The following SLC9A3 variants were observed in gnomAD, a reference collection of about 807,000 sequenced individuals.
SLC9A3 encodes solute carrier family 9 member A3, also known as sodium/hydrogen exchanger 3.
A neutral mutation model predicts 86.8 loss-of-function variants in SLC9A3; 37 were observed. The observed-to-expected ratio is 0.43, with a 90% CI of 0.33 to 0.56. The LOEUF (loss-of-function observed/expected upper bound fraction) is 0.56, where lower values mean the gene tolerates loss of function less well. Ranked by LOEUF, SLC9A3 falls within the 20% of genes least tolerant of loss-of-function variation. SLC9A3 has a pLI of 0.06. For synonymous variants in SLC9A3, 581 were observed against 528.3 expected, an observed-to-expected ratio of 1.10 and a Z score of -1.37; for missense variants, 1,011 against 1,171.9, an observed-to-expected ratio of 0.86 and a Z score of 2.00.
intron 1 of SLC9A3, among the ~76,000 whole-genome samples, chr5:492,526 G>A (rs980935237): frequency 1.3e-4 from 20 of 152,030 alleles, no homozygotes; most frequent in Admixed American, 5.9e-4. Flanking sequence ...GACCTCCCCC[G>A]ACTTTTCAGG....
In SLC9A3 at chr5:476,352, C is replaced by T. The variant is rs966604175; in HGVS notation, c.1917G>A (p.Glu639=). ...GTTTCTCGTCCTCCGTGGGCGTGAG[C>T]TCGTGTCGGCTGTACAGATGCTTGT... The part of the protein sequence containing the change: ...QEYKHLYSRH[E]LTPTEDEKQD... The change falls in exon 13 of 17, where the codon GAG becomes GAA. Residue 639 remains glutamate, a synonymous_variant. Transcript: ENST00000264938. The T allele has an allele frequency of 1.2e-6, 2 of 1,613,884 alleles. No individual in the cohort carries two copies. The highest frequency in any genetic ancestry group is 1.7e-6 in the Non-Finnish European group (2 of 1,180,016).
At position 490,065 on chromosome 5, in the gene SLC9A3, A is replaced by G. The variant is rs879813769; in HGVS notation, c.515-1589T>C. ...CCACAGGGCTTGGCCTCTGGTCTGC[A>G]GAGATCAGTTGCAGCCTCCCAGCTC... On this transcript the variant is annotated intron_variant, in intron 2 of 16. Coordinates refer to ENST00000264938, the MANE Select transcript of SLC9A3 (RefSeq NM_004174.4). Among the ~76,000 whole-genome samples, 31 of 152,328 alleles carry G rather than the reference A, an allele frequency of 2.0e-4. 1 individual carries two copies. The highest frequency in any genetic ancestry group is 2.0e-3 in the Admixed American group (31 of 15,310).
Position 475,116 on chromosome 5 carries a change from C to A in SLC9A3, c.2268G>T (p.Val756=), listed in dbSNP as rs745803303. 6.3e-7 allele frequency: 1 copy of A among 1,599,468 alleles called. No homozygotes were observed. Among genetic ancestry groups the A allele is most frequent in the South Asian group, 1.1e-5 (1 of 90,144 alleles). The stretch of plus-strand genomic sequence containing the variant: ...GGTCCAGGGCCTCGTCCGGAGAAAA[C>A]ACAGGGTTGTCAATTCCTAGGAGAG... The part of the protein sequence containing the change: ...SDSPAGIDNP[V]FSPDEALDRS... Residue 756 remains valine, a synonymous_variant, in exon 16 of 17, where the codon GTG becomes GTT. Transcript: ENST00000264938.
At position 491,845 on chromosome 5, in the gene SLC9A3, G is replaced by A. The variant is rs762686933; in HGVS notation, c.438C>T (p.Tyr146=). Residue 146 remains tyrosine (Y), a synonymous_variant, in exon 2 of 17, where the codon TAC becomes TAT. Coordinates refer to ENST00000264938, the MANE Select transcript of SLC9A3 (RefSeq NM_004174.4). This position sits in a 1 kb window ranked among gnomAD's most constrained non-coding sequence, Gnocchi z 9.2. ...CGTTCCACACGGTACCCACGACGGC[G>A]TACAACAGGATGGTCCCCAGGTTGC... ...FFGNLGTILL[Y]AVVGTVWNAA... is the part of the protein sequence containing the mutation. The A allele has an allele frequency of 2.9e-5, 46 of 1,604,132 alleles. No individual in the cohort carries two copies. Among genetic ancestry groups the A allele is most frequent in the South Asian group, 5.6e-5 (5 of 89,674 alleles).
intron 1 of SLC9A3, among the ~76,000 whole-genome samples, chr5:518,571 C>G (rs533005093): frequency 6.6e-6 from 1 of 152,186 alleles, no homozygotes; most frequent in Non-Finnish European, 1.5e-5. Flanking sequence ...ACTGAGACTC[C>G]TGGTTGTGGG....
Position 496,874 on chromosome 5 carries a change from A to G in SLC9A3, c.212-4803T>C, listed in dbSNP as rs1740041415. 6.6e-6 allele frequency among the ~76,000 whole-genome samples: 1 copy of G among 151,896 alleles called. No homozygotes were observed. The highest frequency in any genetic ancestry group is 2.4e-5 in the African/African-American group (1 of 41,342). On this transcript the variant is annotated intron_variant, in intron 1 of 16. Transcript: ENST00000264938. The surrounding 1 kb of genome is among the most constrained non-coding windows in gnomAD (Gnocchi z 4.7). ...GAGACCAGCCTGGGCAACATGGCGA[A>G]ACCCCATCTTTACAAAAAAAAATAC...
intron 1 of SLC9A3, among the ~76,000 whole-genome samples, chr5:501,751 T>G (rs1310546638): frequency 6.6e-6 from 1 of 152,210 alleles, no homozygotes; most frequent in Admixed American, 6.5e-5. Context: ...GGAATCACGG[T>G]AAATGTGTCG....
Position 491,719 on chromosome 5 carries a change from T to A in SLC9A3, c.514+50A>T. On this transcript the variant is annotated intron_variant, in intron 2 of 16. Transcript: ENST00000264938. The surrounding 1 kb of genome is among the most constrained non-coding windows in gnomAD (Gnocchi z 9.2). The stretch of plus-strand genomic sequence containing the variant: ...TTCTGAGATGAGGCAGCGCCGCCCC[T>A]CCCGGACCCCACCCTGATCCCGGCC... 57 of 1,439,488 alleles carry A rather than the reference T, an allele frequency of 4.0e-5. No homozygotes were observed. The highest frequency in any genetic ancestry group is 4.8e-5 in the Non-Finnish European group (52 of 1,072,576). 89.2% of individuals were successfully genotyped at this position (1,439,488 alleles called of 1,614,324 possible). A position where few individuals can be genotyped will look rare whatever the true frequency, so the allele number is the denominator to read the frequency against.
At chr5:493,897 C>T (rs1277439653) in intron 1 of SLC9A3, among the ~76,000 whole-genome samples, 8 of 152,200 alleles carry the variant, frequency 5.3e-5, no homozygotes, top group East Asian at 3.8e-4. Context: ...GGGGTTGGCC[C>T]GGGGAGGCTG....
intron 15 of SLC9A3, 149 bp from the exon 16 acceptor site, chr5:475,281 C>T: frequency 1.3e-6 from 1 of 776,478 alleles, no homozygotes; most frequent in Non-Finnish European, 2.0e-6. Flanking sequence ...GCGGGCCCTT[C>T]CCCCACATCC....
At chr5:484,748 T>C in intron 4 of SLC9A3, 51 bp from the exon 5 acceptor site, 1 of 1,582,502 alleles carries the variant, frequency 6.3e-7, no homozygotes, top group Non-Finnish European at 8.7e-7. Context: ...GGCCCTTCCT[T>C]GCCAGGGGCC....
rs551720156 is a variant in SLC9A3, at chr5:477,275, C to T, written c.1760+57G>A. 1.0e-5 allele frequency: 13 copies of T among 1,287,974 alleles called. No individual in the cohort carries two copies. The East Asian group carries it at 3.1e-4, about 30-fold the overall frequency. 79.8% of individuals were successfully genotyped at this position (1,287,974 alleles called of 1,614,324 possible). ...AGCCACCACAGCCCTGTCTGTGACT[C>T]TCAGCTCCCGAGGCTGGGCTCTTCC... is the stretch of plus-strand genomic sequence containing the variant. On this transcript the variant is annotated intron_variant, in intron 11 of 16. Coordinates refer to ENST00000264938, the MANE Select transcript of SLC9A3 (RefSeq NM_004174.4).
In SLC9A3 at chr5:482,815, T is replaced by C; in HGVS notation, c.1154-65A>G. On this transcript the variant is annotated intron_variant, in intron 6 of 16. Coordinates refer to ENST00000264938, the MANE Select transcript of SLC9A3 (RefSeq NM_004174.4). Reference sequence around the variant, plus strand: ...CTCCCAGCCGCGGGACCCCAGCCCCTCCGGGACAGCGTCTTGGCGGCCAAG... The same window carrying C: ...CTCCCAGCCGCGGGACCCCAGCCCCCCCGGGACAGCGTCTTGGCGGCCAAG... The C allele has an allele frequency of 2.3e-6, 3 of 1,319,690 alleles. No homozygotes were observed. In the Admixed American group the frequency reaches 6.3e-5, roughly 28 times the overall value. The allele number at this position is 1,319,690 out of a possible 1,614,324, so 81.7% of individuals were successfully genotyped here.
At chr5:505,910 A>G (rs951934684) in intron 1 of SLC9A3, among the ~76,000 whole-genome samples, 1 of 150,574 alleles carries the variant, frequency 6.6e-6, no homozygotes, top group East Asian at 2.0e-4. Flanking sequence ...CAAAGGCATG[A>G]GGCCCCCTCA....
chr5:518,408 TCTGGCATCCTGAGAC>T (rs1309558943), intron 1 of SLC9A3, among the ~76,000 whole-genome samples: 4 of 151,148 alleles, frequency 2.6e-5, no homozygotes, highest in Admixed American at 2.6e-4. Flanking sequence ...CACTTGGAGA[TCTGGCATCCTGAGAC>T]CTGGCACCCT....
chr5:512,846 A>T (rs1208791912), intron 1 of SLC9A3, among the ~76,000 whole-genome samples: 1 of 152,080 alleles, frequency 6.6e-6, no homozygotes, highest in Non-Finnish European at 1.5e-5. Flanking sequence ...CCCTGGAGGA[A>T]GGGCTGGGCG....
intron 1 of SLC9A3, among the ~76,000 whole-genome samples, chr5:502,654 A>T (rs1424397186): frequency 3.9e-5 from 6 of 152,254 alleles, no homozygotes. Flanking sequence ...AAACGTTCTC[A>T]TAACCACTTA....
rs1164303679 is a variant in SLC9A3 at position 496,419 on chromosome 5, G to A, written c.212-4348C>T. 3.3e-5 allele frequency among the ~76,000 whole-genome samples: 5 copies of A among 152,230 alleles called. No homozygotes were observed. The highest frequency in any genetic ancestry group is 2.9e-5 in the Non-Finnish European group (2 of 68,038). On this transcript the variant is annotated intron_variant, in intron 1 of 16. Coordinates refer to ENST00000264938, the MANE Select transcript of SLC9A3 (RefSeq NM_004174.4). This position sits in a 1 kb window ranked among gnomAD's most constrained non-coding sequence, Gnocchi z 4.7. The stretch of plus-strand genomic sequence containing the variant: ...CAGCCTCTGACGACCTGTGGGTGAC[G>A]CGTGAACGACCCCGTTCTGTGAAAG...
chr5:513,026 C>T (rs1034891003), intron 1 of SLC9A3, among the ~76,000 whole-genome samples: 1 of 152,086 alleles, frequency 6.6e-6, no homozygotes, highest in Non-Finnish European at 1.5e-5. Flanking sequence ...CAGCAAAACC[C>T]GAGACAGCAG....
Sources: gnomAD v4.1 joint callset for allele counts (sites outside exome capture counted in the v4.1 genomes callset) on GRCh38, gnomAD v4.1.1 for gene constraint, Gnocchi (gnomAD v3.1) non-coding constraint, MANE v1.5 for transcripts, NCBI Gene and HGNC (gene_info 2026-07-23, HGNC 2026-07-21) for gene names.